The following CHRM3 variants were observed in gnomAD, a reference collection of about 807,000 sequenced individuals.
CHRM3 encodes muscarinic acetylcholine receptor M3.
A neutral mutation model predicts 41.8 loss-of-function variants in CHRM3; 11 were observed. That is an observed-to-expected ratio of 0.26 (90% confidence interval 0.17 to 0.44). The LOEUF (loss-of-function observed/expected upper bound fraction) is 0.44, where lower values mean the gene tolerates loss of function less well. Among genes scored for constraint, CHRM3 ranks in the 20% least tolerant of loss-of-function variants. The pLI is 1.00. For missense variants in CHRM3, 571 were observed against 745.4 expected (o/e 0.77, Z 2.72); for synonymous variants, 297 against 301.4 (o/e 0.99, Z 0.15).
chr1:239,720,511 T>C (rs551115387), intron 5 of CHRM3, among the ~76,000 whole-genome samples: 4 of 152,058 alleles, frequency 2.6e-5, no homozygotes, highest in African/African-American at 9.6e-5. Flanking sequence ...CGCCAGACTT[T>C]TCATGTTGCA....
At chr1:239,645,838 T>C (rs1671695986) in intron 4 of CHRM3, among the ~76,000 whole-genome samples, 1 of 152,172 alleles carries the variant, frequency 6.6e-6, no homozygotes, top group Non-Finnish European at 1.5e-5. Flanking sequence ...AAAATACAGC[T>C]TCAAAGTTTG....
chr1:239,557,242 G>A (rs2148472502), intron 3 of CHRM3, among the ~76,000 whole-genome samples: 1 of 152,280 alleles, frequency 6.6e-6, no homozygotes, highest in South Asian at 2.1e-4. Flanking sequence ...TTCTCTGTCA[G>A]TGTGATTCAA....
chr1:239,710,089 G>A (rs1459960579), intron 5 of CHRM3, among the ~76,000 whole-genome samples: 1 of 151,984 alleles, frequency 6.6e-6, no homozygotes, highest in Non-Finnish European at 1.5e-5. Context: ...TAATGTTATT[G>A]GACTTGTCAT....
At chr1:239,811,200 A>C (rs567471397) in intron 5 of CHRM3, among the ~76,000 whole-genome samples, 1 of 152,196 alleles carries the variant, frequency 6.6e-6, no homozygotes, top group Non-Finnish European at 1.5e-5. Flanking sequence ...AGACCCACAC[A>C]ATGAGGTTCA....
At chr1:239,758,619 T>C (rs1212640783) in intron 5 of CHRM3, among the ~76,000 whole-genome samples, 1 of 152,240 alleles carries the variant, frequency 6.6e-6, no homozygotes, top group Non-Finnish European at 1.5e-5. Context: ...AATGCTTGAA[T>C]GCTCACAGTT....
chr1:239,801,660 A>G (rs1349803269), intron 5 of CHRM3, among the ~76,000 whole-genome samples: 1 of 152,220 alleles, frequency 6.6e-6, no homozygotes, highest in Non-Finnish European at 1.5e-5. Flanking sequence ...AAGGAAAATG[A>G]TATCTATAAT....
chr1:239,780,277 T>C (rs1446782435), intron 5 of CHRM3, among the ~76,000 whole-genome samples: 1 of 152,234 alleles, frequency 6.6e-6, no homozygotes, highest in East Asian at 1.9e-4. Context: ...CTGCTCCATA[T>C]CCTCACCAAC....
chr1:239,605,329 C>A (rs751361114), intron 3 of CHRM3, among the ~76,000 whole-genome samples: 1 of 152,132 alleles, frequency 6.6e-6, no homozygotes, highest in Non-Finnish European at 1.5e-5. Flanking sequence ...TATTGTGTAA[C>A]AACTGCCTAC....
chr1:239,757,631 G>GAA (rs34824685), intron 5 of CHRM3, among the ~76,000 whole-genome samples: 44 of 128,154 alleles, frequency 3.4e-4, no homozygotes, highest in East Asian at 8.7e-4. Flanking sequence ...CTCCGTCTCA[G>GAA]AAAAAAAAAA....
At chr1:239,805,245 T>C (rs534808152) in intron 5 of CHRM3, among the ~76,000 whole-genome samples, 6 of 152,306 alleles carry the variant, frequency 3.9e-5, no homozygotes, top group African/African-American at 1.4e-4. Flanking sequence ...GCAGACCTGC[T>C]AGTCCAGCGC....
chr1:239,480,970 TAAAA>T (rs1481762993), intron 1 of CHRM3, among the ~76,000 whole-genome samples: 2 of 152,186 alleles, frequency 1.3e-5, no homozygotes, highest in Non-Finnish European at 2.9e-5. Context: ...CCTTGTATAC[TAAAA>T]TGCATAAATA....
intron 2 of CHRM3, among the ~76,000 whole-genome samples, chr1:239,494,457 T>C (rs1422238220): frequency 1.3e-5 from 2 of 152,170 alleles, no homozygotes; most frequent in East Asian, 1.9e-4. Flanking sequence ...TGAAGATACG[T>C]ACATAAAAAA....
At chr1:239,535,682 AT>A (rs1375011378) in intron 2 of CHRM3, among the ~76,000 whole-genome samples, 1 of 151,490 alleles carries the variant, frequency 6.6e-6, no homozygotes, top group Non-Finnish European at 1.5e-5. Flanking sequence ...TTATCCATAT[AT>A]TTATTTCTGT....
chr1:239,832,154 C>T (rs1672945486), intron 6 of CHRM3, among the ~76,000 whole-genome samples: 1 of 152,098 alleles, frequency 6.6e-6, no homozygotes, highest in South Asian at 2.1e-4. Flanking sequence ...CCTGCACTGT[C>T]CCTCCATTGT....
intron 3 of CHRM3, among the ~76,000 whole-genome samples, chr1:239,554,370 C>A (rs1257512816): frequency 6.6e-6 from 1 of 151,950 alleles, no homozygotes; most frequent in Non-Finnish European, 1.5e-5. Context: ...AAACTATAGA[C>A]AAAGTGCCTG....
chr1:239,773,635 C>A (rs550489708), intron 5 of CHRM3, among the ~76,000 whole-genome samples: 2 of 152,262 alleles, frequency 1.3e-5, no homozygotes, highest in Non-Finnish European at 2.9e-5. Context: ...TCTTATAATT[C>A]TGAAAAGGAA....
intron 6 of CHRM3, among the ~76,000 whole-genome samples, chr1:239,852,921 T>G (rs942649320): frequency 6.6e-6 from 1 of 152,130 alleles, no homozygotes; most frequent in African/African-American, 2.4e-5. Flanking sequence ...TACGTCTTTG[T>G]TTTCTCTAAA....
chr1:239,616,098 C>G (rs1667599661), intron 3 of CHRM3, among the ~76,000 whole-genome samples: 1 of 152,142 alleles, frequency 6.6e-6, no homozygotes, highest in Admixed American at 6.6e-5. Context: ...AAATAAACAA[C>G]TATTATTATC....
intron 2 of CHRM3, among the ~76,000 whole-genome samples, chr1:239,505,996 A>G (rs991538338): frequency 4.6e-5 from 7 of 152,200 alleles, no homozygotes; most frequent in African/African-American, 1.4e-4. Context: ...CCTGAGAGGT[A>G]TGTAAGGTAT....
Sources: gnomAD v4.1 joint callset for allele counts (sites outside exome capture counted in the v4.1 genomes callset) on GRCh38, gnomAD v4.1.1 for gene constraint, MANE v1.5 for transcripts, NCBI Gene and HGNC (gene_info 2026-07-23, HGNC 2026-07-21) for gene names.